Variants in PCCA observed in about 807,000 individuals in gnomAD.
PCCA encodes the protein propionyl-CoA carboxylase subunit alpha.
In PCCA, 74 loss-of-function variants were observed where a neutral mutation model predicts 101.3. The observed-to-expected ratio is 0.73, with a 90% CI of 0.61 to 0.89. PCCA has a LOEUF of 0.89. PCCA is among the 40% of genes least tolerant of loss of function. PCCA has a pLI of 0.00. For missense variants in PCCA, 891 were observed against 907.0 expected (o/e 0.98, Z 0.23); for synonymous variants, 294 against 313.6 (o/e 0.94, Z 0.66).
At chr13:100,171,529 A>T (rs1048633744) in intron 6 of PCCA, among the ~76,000 whole-genome samples, 1 of 152,198 alleles carries the variant, frequency 6.6e-6, no homozygotes, top group Non-Finnish European at 1.5e-5. Context: ...TTCCATGTCA[A>T]GTCAAGGACT....
intron 16 of PCCA, among the ~76,000 whole-genome samples, chr13:100,315,138 G>A (rs2067228525): frequency 6.6e-6 from 1 of 152,060 alleles, no homozygotes; most frequent in South Asian, 2.1e-4. Flanking sequence ...GCAAATAAAT[G>A]TGATAAGATG....
chr13:100,383,182 G>A (rs908016633), intron 19 of PCCA, among the ~76,000 whole-genome samples: 1 of 151,960 alleles, frequency 6.6e-6, no homozygotes, highest in African/African-American at 2.4e-5. Context: ...GTAGTGACAG[G>A]GTTTTCGCCA....
chr13:100,427,896 T>C (rs2079264935), intron 20 of PCCA, among the ~76,000 whole-genome samples: 1 of 152,202 alleles, frequency 6.6e-6, no homozygotes, highest in African/African-American at 2.4e-5. Flanking sequence ...CAGTGCTTAC[T>C]GTGTTATCAG....
chr13:100,418,782 C>T lies in PCCA; in HGVS notation c.1747-6851C>T, dbSNP rs371252271. On this transcript the variant is annotated intron_variant, in intron 19 of 23. Transcript: ENST00000376285. ...CCAGGCAGTGGAGGTTGTAGTGAGCCAAGATCATGCCATCGTACTTCAGCC... is the reference window on the plus strand; with the variant it reads ...CCAGGCAGTGGAGGTTGTAGTGAGCTAAGATCATGCCATCGTACTTCAGCC... Among the ~76,000 whole-genome samples the T allele has an allele frequency of 8.6e-4, 129 of 150,520 alleles. 4 individuals are homozygous for T. In the South Asian group the frequency reaches 0.024, roughly 28 times the overall value.
chr13:100,142,475 CTTT>C (rs772422421), intron 4 of PCCA, among the ~76,000 whole-genome samples: 9 of 136,288 alleles, frequency 6.6e-5, no homozygotes, highest in Admixed American at 1.5e-4. Context: ...AATGAGCCTT[CTTT>C]TTTTTTTTTT....
At chr13:100,106,423 AT>A (rs2047798317) in intron 2 of PCCA, among the ~76,000 whole-genome samples, 1 of 151,996 alleles carries the variant, frequency 6.6e-6, no homozygotes, top group Non-Finnish European at 1.5e-5. Context: ...TTATTTATTT[AT>A]TTTTGAGACA....
In PCCA at chr13:100,309,918, A is replaced by G. The variant is rs1298818731; in HGVS notation, c.1429+10A>G. ...AACTATGTTATTCGAGGTAAAAACA[A>G]AGATTTGCACTCGTTGGTTATTGTA... On this transcript the variant is annotated intron_variant, in intron 16 of 23. Coordinates refer to ENST00000376285, the MANE Select transcript of PCCA (RefSeq NM_000282.4). 1 of 1,597,366 alleles carries G rather than the reference A, an allele frequency of 6.3e-7. No individual in the cohort carries two copies. Among genetic ancestry groups the G allele is most frequent in the Admixed American group, 1.7e-5 (1 of 60,008 alleles).
intron 6 of PCCA, among the ~76,000 whole-genome samples, chr13:100,193,379 G>A (rs1292180770): frequency 6.6e-6 from 1 of 152,148 alleles, no homozygotes; most frequent in East Asian, 1.9e-4. Flanking sequence ...AAACGCCCTT[G>A]AGAGCTGTGA....
At chr13:100,187,387 A>C (rs982034154) in intron 6 of PCCA, among the ~76,000 whole-genome samples, 3 of 152,102 alleles carry the variant, frequency 2.0e-5, no homozygotes, top group Admixed American at 6.6e-5. Context: ...TAGGCTGGAG[A>C]GGTTTTTGGG....
intron 20 of PCCA, among the ~76,000 whole-genome samples, chr13:100,447,193 G>A (rs560927319): frequency 2.6e-5 from 4 of 152,060 alleles, no homozygotes; most frequent in Non-Finnish European, 5.9e-5. Flanking sequence ...GACCAGCCTG[G>A]CCAACATGGC....
At chr13:100,468,024 G>A (rs9585441) in intron 21 of PCCA, among the ~76,000 whole-genome samples, 17,593 of 152,246 alleles carry the variant, frequency 0.12, 1,815 homozygotes, top group African/African-American at 0.28. Flanking sequence ...CGGAATGGAT[G>A]TCGTGTTAGC....
At chr13:100,096,910 C>T (rs935208377) in intron 1 of PCCA, among the ~76,000 whole-genome samples, 7 of 152,020 alleles carry the variant, frequency 4.6e-5, no homozygotes, top group South Asian at 2.1e-4. Flanking sequence ...GAAGTGAGGC[C>T]GGGCGCAGTG....
chr13:100,247,517 T>C (rs1287632772), intron 8 of PCCA, among the ~76,000 whole-genome samples: 1 of 28,002 alleles, frequency 3.6e-5, no homozygotes, highest in Non-Finnish European at 5.7e-5. Context: ...TGCCCGGCCT[T>C]TTTTTTTTTT....
chr13:100,125,135 TTGTGTGTG>T (rs3034643), intron 4 of PCCA, among the ~76,000 whole-genome samples: 8 of 149,228 alleles, frequency 5.4e-5, no homozygotes, highest in Non-Finnish European at 1.2e-4. Flanking sequence ...GACCTTTTAT[TTGTGTGTG>T]TGTGTGTGTG....
chr13:100,502,499 G>C (rs2085756636), intron 21 of PCCA, among the ~76,000 whole-genome samples: 1 of 152,210 alleles, frequency 6.6e-6, no homozygotes, highest in African/African-American at 2.4e-5. Context: ...ATGAGTTACT[G>C]TGTAGCATTA....
At chr13:100,492,961 C>T (rs1301599520) in intron 21 of PCCA, among the ~76,000 whole-genome samples, 2 of 152,104 alleles carry the variant, frequency 1.3e-5, no homozygotes, top group East Asian at 2.0e-4. Context: ...TCCTTCAAGT[C>T]TGGGTGACCT....
intron 6 of PCCA, among the ~76,000 whole-genome samples, chr13:100,188,520 C>CAAAAAAG (rs1360319265): frequency 1.3e-5 from 2 of 152,182 alleles, no homozygotes; most frequent in East Asian, 1.9e-4. Context: ...TATAAACATG[C>CAAAAAAG]ATATGCAAGT....
intron 21 of PCCA, among the ~76,000 whole-genome samples, chr13:100,468,148 AGG>A (rs2082686431): frequency 6.6e-6 from 1 of 152,210 alleles, no homozygotes; most frequent in Non-Finnish European, 1.5e-5. Context: ...TCTGAGCAGT[AGG>A]TCTCCACAGC....
intron 4 of PCCA, among the ~76,000 whole-genome samples, chr13:100,123,642 T>C (rs918457113): frequency 1.3e-5 from 2 of 150,880 alleles, no homozygotes; most frequent in African/African-American, 4.9e-5. Context: ...TGGGGGGGGA[T>C]TGACAAAGAG....
Sources: allele counts gnomAD v4.1 joint callset (sites outside exome capture counted in the v4.1 genomes callset), GRCh38; gene constraint gnomAD v4.1.1; transcripts MANE v1.5; gene names NCBI Gene and HGNC (gene_info 2026-07-23, HGNC 2026-07-21).